PIEZO2: variants seen among roughly 807,000 people sequenced by gnomAD.
PIEZO2 encodes the protein piezo-type mechanosensitive ion channel component 2.
PIEZO2 carries 172 observed loss-of-function variants against 337.3 expected under a neutral mutation model. The ratio of observed to expected loss-of-function variants is 0.51; its 90% confidence interval spans 0.45 to 0.58. PIEZO2 has a LOEUF of 0.58. Among genes scored for constraint, PIEZO2 ranks in the 20% least tolerant of loss-of-function variants. The pLI, the probability that PIEZO2 is intolerant of heterozygous loss-of-function variation, is 0.00. For missense variants in PIEZO2, 3,028 were observed against 3,391.3 expected (o/e 0.89, Z 2.66); for synonymous variants, 1,251 against 1,228.5 (o/e 1.02, Z -0.38).
intron 2 of PIEZO2, among the ~76,000 whole-genome samples, chr18:11,036,603 A>G (rs964044126): frequency 2.0e-5 from 3 of 151,622 alleles, no homozygotes; most frequent in Non-Finnish European, 4.4e-5. Context: ...AATATAAAAT[A>G]TATACATATT....
At position 11,069,982 on chromosome 18, in the gene PIEZO2, G is replaced by A. The variant is rs1478788476; in HGVS notation, c.65-3760C>T. ...GGAGGTGAAAGACCTATAAATGGAA[G>A]AATATAAAACATTGATAATAGAAAT... On this transcript the variant is annotated intron_variant, in intron 1 of 55. Transcript: ENST00000674853. This position sits in a 1 kb window ranked among gnomAD's most constrained non-coding sequence, Gnocchi z 4.9. Among the ~76,000 whole-genome samples, 2 of 152,170 alleles carry A rather than the reference G, an allele frequency of 1.3e-5. No individual in the cohort carries two copies. Among genetic ancestry groups the A allele is most frequent in the African/African-American group, 4.8e-5 (2 of 41,454 alleles).
chr18:10,868,498 G>A (rs1377429051), intron 5 of PIEZO2, among the ~76,000 whole-genome samples: 6 of 152,180 alleles, frequency 3.9e-5, no homozygotes, highest in South Asian at 2.1e-4. Context: ...GGGCTGGAAC[G>A]TGACAAGAGA....
chr18:10,916,602 A>G (rs264285), intron 3 of PIEZO2, among the ~76,000 whole-genome samples: 142,376 of 152,202 alleles, frequency 0.94, 66,706 homozygotes, highest in South Asian at 0.98. Flanking sequence ...GGCCGCGCCC[A>G]TCTAGAACTC....
intron 7 of PIEZO2, among the ~76,000 whole-genome samples, chr18:10,808,253 T>C (rs868639287): frequency 6.6e-6 from 1 of 152,062 alleles, no homozygotes; most frequent in Non-Finnish European, 1.5e-5. Context: ...CATACCCAAC[T>C]ATTATTTTTT....
chr18:10,986,376 G>A (rs1046553980), intron 2 of PIEZO2, among the ~76,000 whole-genome samples: 1 of 151,952 alleles, frequency 6.6e-6, no homozygotes, highest in Non-Finnish European at 1.5e-5. Context: ...ACATTAAAAG[G>A]ATTATATACC....
chr18:11,133,802 A>G (rs375350971), intron 1 of PIEZO2, among the ~76,000 whole-genome samples: 2 of 130,370 alleles, frequency 1.5e-5, no homozygotes, highest in East Asian at 4.2e-4. Flanking sequence ...CTCTATATAT[A>G]TGTGTGTATA....
chr18:10,857,538 G>A (rs1414976277), intron 5 of PIEZO2, among the ~76,000 whole-genome samples: 1 of 152,104 alleles, frequency 6.6e-6, no homozygotes, highest in East Asian at 1.9e-4. Context: ...ATCGATCTGG[G>A]TTTGGATCTT....
chr18:10,734,344 G>C (rs1432486590), intron 35 of PIEZO2, among the ~76,000 whole-genome samples: 3 of 152,224 alleles, frequency 2.0e-5, no homozygotes, highest in Admixed American at 6.5e-5. Flanking sequence ...CCCAGCCACG[G>C]TTGTGCTTCA....
intron 4 of PIEZO2, among the ~76,000 whole-genome samples, chr18:10,891,321 A>G (rs1399504454): frequency 6.6e-6 from 1 of 151,412 alleles, no homozygotes; most frequent in Non-Finnish European, 1.5e-5. Context: ...AGACTCTGTT[A>G]AAAAAAAATA....
Position 11,079,464 on chromosome 18 carries a change from A to G in PIEZO2, c.65-13242T>C, listed in dbSNP as rs114723056. Among the ~76,000 whole-genome samples the G allele has an allele frequency of 1.8e-3, 269 of 152,254 alleles. 2 individuals carry two copies. Among genetic ancestry groups the G allele is most frequent in the Middle Eastern group, 3.4e-3 (1 of 294 alleles). ...CTATCACTTGAAAAAGTCAAGCAAC[A>G]ACGTACCCTTTTAAATGCACCTCCA... On this transcript the variant is annotated intron_variant, in intron 1 of 55. Coordinates refer to ENST00000674853, the MANE Select transcript of PIEZO2 (RefSeq NM_001378183.1).
Position 11,003,180 on chromosome 18 carries a change from G to A in PIEZO2, c.161-23520C>T, listed in dbSNP as rs2035608099. Among the ~76,000 whole-genome samples, 1 of 152,200 alleles carries A rather than the reference G, an allele frequency of 6.6e-6. No homozygotes were observed. Among genetic ancestry groups the A allele is most frequent in the Non-Finnish European group, 1.5e-5 (1 of 68,048 alleles). On this transcript the variant is annotated intron_variant, in intron 2 of 55. Coordinates refer to ENST00000674853, the MANE Select transcript of PIEZO2 (RefSeq NM_001378183.1). This position sits in a 1 kb window ranked among gnomAD's most constrained non-coding sequence, Gnocchi z 4.6. ...GCAGTGAGGTTCCAGGACGTGTGTG[G>A]TATTAACTGTAGCACTAAGATAAGT...
At chr18:10,671,904 C>T (rs2143377716) in intron 55 of PIEZO2, 125 bp from the exon 56 acceptor site, 1 of 901,954 alleles carries the variant, frequency 1.1e-6, no homozygotes, top group Middle Eastern at 3.4e-4. Flanking sequence ...CAAATCAAAT[C>T]TTACATTTTT....
At position 11,088,541 on chromosome 18, in the gene PIEZO2, G is replaced by T. The variant is rs139313597; in HGVS notation, c.65-22319C>A. Among the ~76,000 whole-genome samples the T allele has an allele frequency of 5.1e-3, 783 of 152,244 alleles. 11 individuals are homozygous for T. Among genetic ancestry groups the T allele is most frequent in the African/African-American group, 0.018 (738 of 41,522 alleles). ...AGTTTTTTAAATTCTTTGATCACTA[G>T]CATTATTAATGTGTTAATTGTTTTC... On this transcript the variant is annotated intron_variant, in intron 1 of 55. Transcript: ENST00000674853.
chr18:10,729,257 A>G (rs1488993662), intron 36 of PIEZO2, among the ~76,000 whole-genome samples: 1 of 152,216 alleles, frequency 6.6e-6, no homozygotes, highest in Non-Finnish European at 1.5e-5. Flanking sequence ...TCCATTAGAA[A>G]TTACCTTTTC....
At chr18:10,749,723 A>G (rs1445015420) in intron 29 of PIEZO2, among the ~76,000 whole-genome samples, 1 of 152,188 alleles carries the variant, frequency 6.6e-6, no homozygotes, top group Non-Finnish European at 1.5e-5. Context: ...GCCTGAAGTC[A>G]GAGTTACTTG....
At position 11,105,850 on chromosome 18, in the gene PIEZO2, G is replaced by A. The variant is rs751750881; in HGVS notation, c.65-39628C>T. ...TTGATCCTCTCCAGGAAAGATCAGT[G>A]GCTTAATGGGCCACAATTACTCCCA... On this transcript the variant is annotated intron_variant, in intron 1 of 55. Coordinates refer to ENST00000674853, the MANE Select transcript of PIEZO2 (RefSeq NM_001378183.1). The surrounding 1 kb of genome is among the most constrained non-coding windows in gnomAD (Gnocchi z 4.3). Among the ~76,000 whole-genome samples, 2 of 152,230 alleles carry A rather than the reference G, an allele frequency of 1.3e-5. No individual in the cohort carries two copies. Among genetic ancestry groups the A allele is most frequent in the African/African-American group, 4.8e-5 (2 of 41,550 alleles).
rs1249070731 is a variant in PIEZO2, at chr18:11,148,249, C to G, written c.64+276G>C. On this transcript the variant is annotated intron_variant, in intron 1 of 55. Coordinates refer to ENST00000674853, the MANE Select transcript of PIEZO2 (RefSeq NM_001378183.1). This position sits in a 1 kb window ranked among gnomAD's most constrained non-coding sequence, Gnocchi z 5.2. ...GCCATCCTTAGTACACAAGTCAGTACTCCACGAAAGAAAATCCACGTGTAA... is the reference window on the plus strand; with the variant it reads ...GCCATCCTTAGTACACAAGTCAGTAGTCCACGAAAGAAAATCCACGTGTAA... Among the ~76,000 whole-genome samples the G allele has an allele frequency of 1.3e-5, 2 of 152,194 alleles. No individual in the cohort carries two copies. Among genetic ancestry groups the G allele is most frequent in the Non-Finnish European group, 2.9e-5 (2 of 68,028 alleles).
chr18:11,034,442 GC>G (rs2036853059), intron 2 of PIEZO2, among the ~76,000 whole-genome samples: 1 of 151,906 alleles, frequency 6.6e-6, no homozygotes, highest in Non-Finnish European at 1.5e-5. Flanking sequence ...ACAGGCGCCC[GC>G]CACCACGCCA....
chr18:10,793,177 T>C (rs931617993), intron 13 of PIEZO2, among the ~76,000 whole-genome samples: 2 of 152,016 alleles, frequency 1.3e-5, no homozygotes, highest in African/African-American at 4.8e-5. Context: ...GAGAATGGCG[T>C]GAACCCGGGA....
Sources: gnomAD v4.1 joint callset for allele counts (sites outside exome capture counted in the v4.1 genomes callset) on GRCh38, gnomAD v4.1.1 for gene constraint, Gnocchi (gnomAD v3.1) non-coding constraint, MANE v1.5 for transcripts, NCBI Gene and HGNC (gene_info 2026-07-23, HGNC 2026-07-21) for gene names.